Variants in CDH18 observed in about 807,000 individuals in gnomAD.
CDH18 encodes cadherin-18.
CDH18 carries 31 observed loss-of-function variants against 67.9 expected under a neutral mutation model. The observed-to-expected ratio is 0.46, with a 90% CI of 0.34 to 0.62. The LOEUF is 0.62. CDH18 is among the 20% of genes least tolerant of loss of function. CDH18 has a pLI of 0.01. For missense variants in CDH18, 890 were observed against 975.5 expected (o/e 0.91, Z 1.17); for synonymous variants, 362 against 347.2 (o/e 1.04, Z -0.48).
intron 11 of CDH18, among the ~76,000 whole-genome samples, chr5:19,491,800 C>CAAA (rs112118148): frequency 0.034 from 5,022 of 149,076 alleles, 264 homozygotes; most frequent in African/African-American, 0.12. Flanking sequence ...ATGAATGCTG[C>CAAA]AAAAAAAAAC....
chr5:20,294,219 G>T (rs34303860), intron 1 of CDH18, among the ~76,000 whole-genome samples: 6,548 of 152,220 alleles, frequency 0.043, 208 homozygotes, highest in East Asian at 0.14. Context: ...ACCCAAAGTA[G>T]TTACTTTGTT....
rs1206990092 is a variant in CDH18, at chr5:19,907,535, T to C, written c.-256-68293A>G. Among the ~76,000 whole-genome samples the C allele has an allele frequency of 2.0e-5, 3 of 152,000 alleles. No homozygotes were observed. In the East Asian group the frequency reaches 5.8e-4, roughly 29 times the overall value. Reference sequence around the variant, plus strand: ...TGAGTCCAGGTGTGGAATTTTCTGCTTCTGGTGTTATGTCAGTATTCAAAC... The same window carrying C: ...TGAGTCCAGGTGTGGAATTTTCTGCCTCTGGTGTTATGTCAGTATTCAAAC... On this transcript the variant is annotated intron_variant, in intron 2 of 12. Transcript: ENST00000382275.
intron 1 of CDH18, among the ~76,000 whole-genome samples, chr5:20,552,344 G>C (rs116280704): frequency 0.017 from 2,583 of 152,116 alleles, 36 homozygotes; most frequent in African/African-American, 0.029. Context: ...GGGCGTGGTC[G>C]TGGGCGCCTG....
At chr5:20,186,567 ACC>A (rs1352741993) in intron 2 of CDH18, among the ~76,000 whole-genome samples, 1 of 151,982 alleles carries the variant, frequency 6.6e-6, no homozygotes, top group Non-Finnish European at 1.5e-5. Flanking sequence ...CTTCAATGTC[ACC>A]AATCATTAGG....
intron 6 of CDH18, among the ~76,000 whole-genome samples, chr5:19,604,845 AAG>A (rs989271376): frequency 4.0e-5 from 6 of 151,818 alleles, no homozygotes; most frequent in African/African-American, 1.5e-4. Flanking sequence ...ATTCTATAGA[AAG>A]TTTTTTTTTT....
At chr5:20,005,771 C>T (rs775625053) in intron 2 of CDH18, among the ~76,000 whole-genome samples, 2 of 151,780 alleles carry the variant, frequency 1.3e-5, no homozygotes, top group Non-Finnish European at 2.9e-5. Context: ...GTTAATTTTG[C>T]CTAATTATAA....
intron 2 of CDH18, among the ~76,000 whole-genome samples, chr5:19,880,632 T>C (rs1787538770): frequency 6.6e-6 from 1 of 152,150 alleles, no homozygotes; most frequent in South Asian, 2.1e-4. Context: ...ATCATTGCTC[T>C]GGACTTAAGC....
chr5:20,525,977 A>T (rs1756029787), intron 1 of CDH18, among the ~76,000 whole-genome samples: 1 of 152,160 alleles, frequency 6.6e-6, no homozygotes, highest in Admixed American at 6.5e-5. Flanking sequence ...AGAGTAGCAA[A>T]AGAAAACAAT....
At position 20,105,937 on chromosome 5, in the gene CDH18, T is replaced by C. The variant is rs116138954; in HGVS notation, c.-517-113923A>G. Among the ~76,000 whole-genome samples the C allele has an allele frequency of 6.0e-3, 916 of 152,296 alleles. 10 individuals carry two copies. The highest frequency in any genetic ancestry group is 0.021 in the African/African-American group (881 of 41,570). On this transcript the variant is annotated intron_variant, in intron 2 of 14. Coordinates refer to the CDH18 transcript ENST00000507958. Reference sequence around the variant, plus strand: ...TTTAATTTTTTTTTCCTGCTACGTCTATAGGGCTTGGAATAATGTCTGGAA... The same window carrying C: ...TTTAATTTTTTTTTCCTGCTACGTCCATAGGGCTTGGAATAATGTCTGGAA...
chr5:19,994,945 G>A (rs1040029275), intron 2 of CDH18, among the ~76,000 whole-genome samples: 7 of 149,324 alleles, frequency 4.7e-5, no homozygotes, highest in African/African-American at 9.9e-5. Context: ...CATGATCTGC[G>A]CCTGCAAGCT....
Position 20,050,756 on chromosome 5 carries a change from A to G in CDH18, c.-517-58742T>C, listed in dbSNP as rs1741348519. Among the ~76,000 whole-genome samples the G allele has an allele frequency of 1.3e-5, 2 of 151,874 alleles. 1 individual carries two copies. Among genetic ancestry groups the G allele is most frequent in the South Asian group, 4.1e-4 (2 of 4,836 alleles). ...CAGTCAAGTAGAATAATTACAGTCC[A>G]TTATTAACCCAAATAACACAAAATA... On this transcript the variant is annotated intron_variant, in intron 2 of 14. Transcript: ENST00000507958.
At position 19,504,928 on chromosome 5, in the gene CDH18, T is replaced by A. The variant is rs1455571281; in HGVS notation, c.1513-1819A>T. On this transcript the variant is annotated intron_variant, in intron 10 of 12. Coordinates refer to ENST00000382275, the MANE Select transcript of CDH18 (RefSeq NM_004934.5). ...GTTATCACTGCTGTGGGATTATTAT[T>A]TTCTTTACTATACATTTCAGTTAGT... Among the ~76,000 whole-genome samples, 3 of 152,138 alleles carry A rather than the reference T, an allele frequency of 2.0e-5. No homozygotes were observed. In the East Asian group the frequency reaches 5.8e-4, roughly 29 times the overall value.
chr5:20,507,308 A>G (rs1036241100), intron 1 of CDH18, among the ~76,000 whole-genome samples: 1 of 152,212 alleles, frequency 6.6e-6, no homozygotes. Flanking sequence ...AATATCAGAG[A>G]CAATGTGTAC....
At chr5:19,497,606 C>T (rs1742560724) in intron 11 of CDH18, among the ~76,000 whole-genome samples, 1 of 152,136 alleles carries the variant, frequency 6.6e-6, no homozygotes, top group African/African-American at 2.4e-5. Flanking sequence ...AACCATGGAA[C>T]ATTGTGTTAC....
At chr5:19,759,697 A>C (rs1211441641) in intron 3 of CDH18, among the ~76,000 whole-genome samples, 1 of 152,046 alleles carries the variant, frequency 6.6e-6, no homozygotes, top group Non-Finnish European at 1.5e-5. Flanking sequence ...ATGTCTGATC[A>C]TTTTCCTTTC....
chr5:20,322,648 T>C (rs1738149665), intron 1 of CDH18, among the ~76,000 whole-genome samples: 1 of 152,128 alleles, frequency 6.6e-6, no homozygotes, highest in African/African-American at 2.4e-5. Flanking sequence ...GACTAGTCTC[T>C]CTTGTAAAAT....
At chr5:20,120,840 T>G (rs1450064687) in intron 2 of CDH18, among the ~76,000 whole-genome samples, 1 of 152,192 alleles carries the variant, frequency 6.6e-6, no homozygotes, top group Non-Finnish European at 1.5e-5. Context: ...TCCCTTGGAT[T>G]TCAACATTTA....
intron 10 of CDH18, among the ~76,000 whole-genome samples, chr5:19,509,773 G>T (rs1744831084): frequency 6.6e-6 from 1 of 152,134 alleles, no homozygotes; most frequent in Admixed American, 6.6e-5. Context: ...TTTTTTCAAT[G>T]TTTCCACTTT....
chr5:19,974,812 T>C (rs1798352801), intron 2 of CDH18, among the ~76,000 whole-genome samples: 1 of 152,086 alleles, frequency 6.6e-6, no homozygotes, highest in African/African-American at 2.4e-5. Flanking sequence ...TATGAGCCCA[T>C]CAGCTGGGAT....
Sources: allele counts gnomAD v4.1 joint callset (sites outside exome capture counted in the v4.1 genomes callset), GRCh38; gene constraint gnomAD v4.1.1; transcripts MANE v1.5; gene names NCBI Gene and HGNC (gene_info 2026-07-23, HGNC 2026-07-21).